The following FRAS1 variants were observed in gnomAD, a reference collection of about 807,000 sequenced individuals.
The protein encoded by FRAS1 is extracellular matrix organizing protein FRAS1.
Under a neutral mutation model 435.2 loss-of-function variants are expected in FRAS1, and 290 were observed. The observed-to-expected ratio is 0.67, with a 90% CI of 0.61 to 0.73. The LOEUF is 0.73. Ranked by LOEUF, FRAS1 falls within the 30% of genes least tolerant of loss-of-function variation. FRAS1 has a pLI of 0.00. For synonymous variants in FRAS1, 1,800 were observed against 1,851.0 expected (o/e 0.97, Z 0.71); for missense variants, 4,860 against 5,001.5 (o/e 0.97, Z 0.85).
At chr4:78,308,904 C>CT (rs1468306573) in intron 15 of FRAS1, among the ~76,000 whole-genome samples, 1 of 152,188 alleles carries the variant, frequency 6.6e-6, no homozygotes, top group African/African-American at 2.4e-5. Context: ...CAATGATGCC[C>CT]TTGTCCTAAT....
chr4:78,251,918 T>TGAGAGAGAGA (rs35796361), intron 4 of FRAS1, among the ~76,000 whole-genome samples: 3 of 148,604 alleles, frequency 2.0e-5, no homozygotes, highest in African/African-American at 7.4e-5. Context: ...CTGGAACAGT[T>TGAGAGAGAGA]GAGAGAGAGA....
rs146213477 is a variant in FRAS1 at position 78,179,925 on chromosome 4, T to TCA, written c.109-57585_109-57584insCA. Among the ~76,000 whole-genome samples the TCA allele has an allele frequency of 7.1e-3, 1,088 of 152,278 alleles. 5 individuals are homozygous for TCA. The highest frequency in any genetic ancestry group is 0.034 in the Middle Eastern group (10 of 294). ...GAAAAGGTTTGGTTAACAAACACTC[T>TCA]TATATATATGAAGCTTGCTTTTTGA... is the stretch of plus-strand genomic sequence containing the variant. On this transcript the variant is annotated intron_variant, in intron 2 of 73. Transcript: ENST00000512123.
intron 22 of FRAS1, 38 bp from the exon 23 acceptor site, chr4:78,369,800 T>G: frequency 6.3e-7 from 1 of 1,582,618 alleles, no homozygotes; most frequent in Non-Finnish European, 8.6e-7. Flanking sequence ...TATTTGCAAT[T>G]GTAATCATCT....
chr4:78,453,511 A>T (rs556165107), intron 47 of FRAS1, among the ~76,000 whole-genome samples: 3 of 152,284 alleles, frequency 2.0e-5, no homozygotes, highest in African/African-American at 7.2e-5. Flanking sequence ...TGAATAAACA[A>T]TCTAGAGCCA....
At chr4:78,060,448 C>T (rs1188281544) in intron 1 of FRAS1, among the ~76,000 whole-genome samples, 4 of 152,202 alleles carry the variant, frequency 2.6e-5, no homozygotes, top group African/African-American at 9.6e-5. Context: ...GTTTTCTTCT[C>T]AGTGCACAGA....
chr4:78,266,781 T>G (rs577521267), intron 7 of FRAS1, 53 bp from the exon 8 acceptor site: 70 of 1,353,326 alleles, frequency 5.2e-5, no homozygotes, highest in Non-Finnish European at 6.8e-5. Flanking sequence ...GTGCTTCTAT[T>G]TGATGTATGG....
chr4:78,537,247 A>T (rs1412363454), intron 72 of FRAS1, 47 bp downstream of exon 72: 4 of 1,544,370 alleles, frequency 2.6e-6, no homozygotes, highest in Non-Finnish European at 3.5e-6. Context: ...ACACTTGAGC[A>T]GATTTCCTCA....
At chr4:78,493,521 T>C (rs1422800454) in intron 59 of FRAS1, among the ~76,000 whole-genome samples, 1 of 152,116 alleles carries the variant, frequency 6.6e-6, no homozygotes, top group East Asian at 1.9e-4. Flanking sequence ...CGGATGAAGC[T>C]GGAAACCATC....
intron 59 of FRAS1, among the ~76,000 whole-genome samples, chr4:78,489,447 T>A (rs1720275397): frequency 1.3e-5 from 2 of 152,158 alleles, no homozygotes; most frequent in Non-Finnish European, 1.5e-5. Context: ...AAGGTCTTCA[T>A]CCTCATTGTC....
At chr4:78,472,756 TC>T (rs1435360999) in intron 52 of FRAS1, among the ~76,000 whole-genome samples, 1 of 152,220 alleles carries the variant, frequency 6.6e-6, no homozygotes, top group Non-Finnish European at 1.5e-5. Flanking sequence ...GAAATTAAAA[TC>T]AACATGTATA....
chr4:78,337,677 G>A lies in FRAS1; in HGVS notation c.2282G>A (p.Cys761Tyr). The A allele has an allele frequency of 6.2e-7, 1 of 1,612,104 alleles. No homozygotes were observed. Among genetic ancestry groups the A allele is most frequent in the Non-Finnish European group, 8.5e-7 (1 of 1,178,336 alleles). ...CTGGTTTTCGTCCCCCTGCCAGAGT[G>A]TCACCCAACCTGCAGGCAGTGTCAT... ...YFHQEGSCTE[C>Y]HPTCRQCHGP... The change falls in exon 20 of 74, where the codon TGT (cysteine) becomes TAT (tyrosine). Residue 761 changes from cysteine (C) to tyrosine (Y), a missense_variant. Cys to Tyr is a radical substitution (Grantham distance 194). Coordinates refer to ENST00000512123, the MANE Select transcript of FRAS1 (RefSeq NM_025074.7).
At chr4:78,113,788 C>G (rs1308523751) in intron 2 of FRAS1, among the ~76,000 whole-genome samples, 1 of 152,180 alleles carries the variant, frequency 6.6e-6, no homozygotes, top group Non-Finnish European at 1.5e-5. Flanking sequence ...TGCCTGGTCT[C>G]TCTGATGGTA....
chr4:78,435,866 C>A (rs1560726350), intron 38 of FRAS1, among the ~76,000 whole-genome samples: 1 of 152,040 alleles, frequency 6.6e-6, no homozygotes, highest in Non-Finnish European at 1.5e-5. Flanking sequence ...CTGCCTCACA[C>A]CCTATGCAGA....
chr4:78,449,004 A>G (rs898666750), intron 44 of FRAS1, among the ~76,000 whole-genome samples: 2 of 152,322 alleles, frequency 1.3e-5, no homozygotes, highest in Non-Finnish European at 2.9e-5. Context: ...ATGGTATAAT[A>G]GTATTGGAAA....
chr4:78,520,580 A>G (rs895773418), intron 67 of FRAS1, among the ~76,000 whole-genome samples: 1 of 152,086 alleles, frequency 6.6e-6, no homozygotes, highest in Admixed American at 6.6e-5. Context: ...ACCTATACAT[A>G]TACTCCCTTA....
intron 2 of FRAS1, among the ~76,000 whole-genome samples, chr4:78,080,568 ATGTATC>A: frequency 6.6e-6 from 1 of 152,272 alleles, no homozygotes; most frequent in African/African-American, 2.4e-5. Context: ...AACAGTTGGT[ATGTATC>A]TGCTTTGGAA....
chr4:78,180,082 ATACACAGG>A (rs1721934598), intron 2 of FRAS1, among the ~76,000 whole-genome samples: 1 of 152,222 alleles, frequency 6.6e-6, no homozygotes, highest in African/African-American at 2.4e-5. Context: ...AGTGGAAGAG[ATACACAGG>A]TAAACATTCA....
At chr4:78,520,256 G>GTT (rs3028431) in intron 67 of FRAS1, among the ~76,000 whole-genome samples, 2 of 143,454 alleles carry the variant, frequency 1.4e-5, no homozygotes, top group Non-Finnish European at 3.0e-5. Context: ...TGTTTTTCTT[G>GTT]TTTTTTTTTT....
In FRAS1 at chr4:78,282,929, T is replaced by G; in HGVS notation, c.1217T>G (p.Leu406Ter). The G allele has an allele frequency of 6.2e-7, 1 of 1,608,976 alleles. No homozygotes were observed. Among genetic ancestry groups the G allele is most frequent in the South Asian group, 1.1e-5 (1 of 89,692 alleles). ...CCATGTCCAGTGGGCACACTGGCCT[T>G]AGAGGTGAAGGGACAGTGCTGTCCA... The part of the protein sequence containing the change: ...CPPCPVGTLA[L>*]EVKGQCCPDC... The change falls in exon 12 of 74, where the codon TTA becomes TGA. Residue 406 changes from leucine (L) to a stop codon, truncating the protein, a stop_gained. Coordinates refer to ENST00000512123, the MANE Select transcript of FRAS1 (RefSeq NM_025074.7). LOFTEE classifies it high-confidence loss of function.
Sources: gnomAD v4.1 joint callset for allele counts (sites outside exome capture counted in the v4.1 genomes callset) on GRCh38, gnomAD v4.1.1 for gene constraint, MANE v1.5 for transcripts, NCBI Gene and HGNC (gene_info 2026-07-23, HGNC 2026-07-21) for gene names.